Variants in SLC5A5 observed in about 807,000 individuals in gnomAD.
SLC5A5 encodes the protein sodium/iodide cotransporter.
SLC5A5 carries 56 observed loss-of-function variants against 68.6 expected under a neutral mutation model. The observed-to-expected ratio is 0.82, with a 90% CI of 0.66 to 1.02. The LOEUF is 1.02. Among genes scored for constraint, SLC5A5 ranks in the 50% least tolerant of loss-of-function variants. SLC5A5 has a pLI of 0.00. For missense variants in SLC5A5, 807 were observed against 859.8 expected (o/e 0.94, Z 0.77); for synonymous variants, 398 against 373.0 (o/e 1.07, Z -0.77).
At chr19:17,873,094 CTGTT>C (rs1244014932) in intron 1 of SLC5A5, among the ~76,000 whole-genome samples, 9 of 152,212 alleles carry the variant, frequency 5.9e-5, no homozygotes, top group Non-Finnish European at 1.2e-4. Context: ...GCGTGCCTCT[CTGTT>C]TGGGTTTCCC....
chr19:17,884,330 C>G (rs901169279), intron 12 of SLC5A5, among the ~76,000 whole-genome samples: 1 of 152,108 alleles, frequency 6.6e-6, no homozygotes, highest in Non-Finnish European at 1.5e-5. Context: ...CAGAGCCTCG[C>G]TCTGTGGTCC....
chr19:17,891,356 C>T (rs936121485), intron 14 of SLC5A5, among the ~76,000 whole-genome samples: 1 of 152,014 alleles, frequency 6.6e-6, no homozygotes, highest in African/African-American at 2.4e-5. Flanking sequence ...CAGGCGCATG[C>T]CACCGCACCC....
chr19:17,890,916 G>A lies in SLC5A5; in HGVS notation c.1682G>A (p.Gly561Glu), dbSNP rs1258025735. 5.6e-6 allele frequency: 9 copies of A among 1,614,112 alleles called. No individual in the cohort carries two copies. Among genetic ancestry groups the A allele is most frequent in the Admixed American group, 3.3e-5 (2 of 59,990 alleles). Residue 561 changes from glycine to glutamate, a missense_variant, in exon 14 of 15, where the codon GGA becomes GAA. Gly to Glu is a moderately conservative substitution (Grantham distance 98). Coordinates refer to ENST00000222248, the MANE Select transcript of SLC5A5 (RefSeq NM_000453.3). ...GPTKRSTLAPGLLWWDLARQT... is the reference protein window; with the variant it reads ...GPTKRSTLAPELLWWDLARQT... ...ACCAAGCGCAGCACCCTGGCCCCGG[G>A]ATTGTTGTGGTGGGACCTCGCACGG... is the stretch of plus-strand genomic sequence containing the variant.
At chr19:17,884,840 G>T (rs560516976) in intron 12 of SLC5A5, among the ~76,000 whole-genome samples, 1 of 151,234 alleles carries the variant, frequency 6.6e-6, no homozygotes, top group Non-Finnish European at 1.5e-5. Flanking sequence ...AGTCAAGAAC[G>T]TTTCCTCTTT....
Position 17,874,686 on chromosome 19 carries a change from G to A in SLC5A5, c.498G>A (p.Ala166=). 3.1e-6 allele frequency: 5 copies of A among 1,614,120 alleles called. No individual in the cohort carries two copies. The highest frequency in any genetic ancestry group is 3.4e-6 in the Non-Finnish European group (4 of 1,180,018). ...LNQVTGLDIW[A]SLLSTGIICT... Reference sequence around the variant, plus strand: ...TAGTGACCGGGCTGGACATCTGGGCGTCGCTCCTGTCCACCGGAATTATCT... The same window carrying A: ...TAGTGACCGGGCTGGACATCTGGGCATCGCTCCTGTCCACCGGAATTATCT... Residue 166 remains alanine, a synonymous_variant, in exon 4 of 15, where the codon GCG becomes GCA. Coordinates refer to ENST00000222248, the MANE Select transcript of SLC5A5 (RefSeq NM_000453.3).
chr19:17,893,310 C>T (rs1042807767), intron 14 of SLC5A5, among the ~76,000 whole-genome samples: 3 of 151,818 alleles, frequency 2.0e-5, no homozygotes, highest in Non-Finnish European at 2.9e-5. Context: ...GCCATATTGG[C>T]CAGGCTGGTC....
intron 13 of SLC5A5, among the ~76,000 whole-genome samples, chr19:17,890,231 T>C (rs2147754052): frequency 6.6e-6 from 1 of 152,102 alleles, no homozygotes; most frequent in Middle Eastern, 3.4e-3. Context: ...CCCCCACGCC[T>C]GGCTAATTTT....
chr19:17,882,096 G>A (rs2094321896), intron 9 of SLC5A5, 24 bp downstream of exon 9: 2 of 1,609,202 alleles, frequency 1.2e-6, no homozygotes, highest in East Asian at 4.5e-5. Flanking sequence ...AGACCTGGGT[G>A]GGAGGCCAGG....
intron 6 of SLC5A5, 28 bp from the exon 7 acceptor site, chr19:17,877,936 C>A (rs2094311484): frequency 1.2e-6 from 2 of 1,613,686 alleles, no homozygotes; most frequent in Middle Eastern, 1.6e-4. Flanking sequence ...AGGCTATCCC[C>A]TAAGCCTGAG....
chr19:17,877,898 G>C (rs1211944821), intron 6 of SLC5A5, 35 bp downstream of exon 6: 2 of 1,613,656 alleles, frequency 1.2e-6, no homozygotes, highest in East Asian at 4.5e-5. Context: ...GGGGTTTCTG[G>C]GACATGCTGC....
chr19:17,890,904 C>T lies in SLC5A5; in HGVS notation c.1670C>T (p.Thr557Ile), dbSNP rs753231130. 4 of 1,613,936 alleles carry T rather than the reference C, an allele frequency of 2.5e-6. No individual in the cohort carries two copies. Among genetic ancestry groups the T allele is most frequent in the South Asian group, 1.1e-5 (1 of 91,076 alleles). The change falls in exon 14 of 15, where the codon ACC becomes ATC. Residue 557 changes from threonine (T) to isoleucine (I), a missense_variant. Coordinates refer to ENST00000222248, the MANE Select transcript of SLC5A5 (RefSeq NM_000453.3). Reference protein sequence around the residue: ...SCLTGPTKRSTLAPGLLWWDL... With the variant: ...SCLTGPTKRSILAPGLLWWDL... Reference sequence around the variant, plus strand: ...CTCTCAGGCCCCACCAAGCGCAGCACCCTGGCCCCGGGATTGTTGTGGTGG... The same window carrying T: ...CTCTCAGGCCCCACCAAGCGCAGCATCCTGGCCCCGGGATTGTTGTGGTGG...
chr19:17,876,202 G>A (rs1034803248), intron 5 of SLC5A5, 96 bp downstream of exon 5: 26 of 1,314,492 alleles, frequency 2.0e-5, no homozygotes, highest in Non-Finnish European at 2.6e-5. Context: ...GGCCGAGGCG[G>A]GCAGATCACT....
intron 4 of SLC5A5, 95 bp from the exon 5 acceptor site, chr19:17,875,857 A>T: frequency 9.4e-7 from 1 of 1,067,510 alleles, no homozygotes. Context: ...AGAGAGGAGG[A>T]GACTGAGGCA....
chr19:17,889,403 A>G (rs750422321), intron 13 of SLC5A5, among the ~76,000 whole-genome samples: 1 of 141,672 alleles, frequency 7.1e-6, no homozygotes, highest in African/African-American at 2.8e-5. Context: ...CATCTAAAAG[A>G]AAGAAAGAAA....
At position 17,894,859 on chromosome 19, in the gene SLC5A5, T is replaced by C. The variant is rs1401124068; in HGVS notation, c.*982T>C. 6.6e-6 allele frequency: 1 copy of C among 152,158 alleles called. No individual in the cohort carries two copies. Among genetic ancestry groups the C allele is most frequent in the Non-Finnish European group, 1.5e-5 (1 of 68,054 alleles). The allele number at this position is 152,158 out of a possible 1,614,324, so 9.4% of individuals were successfully genotyped here. On this transcript the variant is annotated 3_prime_UTR_variant, in exon 15 of 15. Transcript: ENST00000222248. ...CTTGGAAATAGGGTCTTTGCAGGTG[T>C]AACTGGTTAAATTAAAAGAGGTATT...
chr19:17,884,767 C>G (rs1038151412), intron 12 of SLC5A5, among the ~76,000 whole-genome samples: 5 of 151,760 alleles, frequency 3.3e-5, no homozygotes, highest in Non-Finnish European at 5.9e-5. Context: ...AAATGAAACT[C>G]CAACTCAAAT....
intron 13 of SLC5A5, among the ~76,000 whole-genome samples, chr19:17,889,413 AGAAGGAAGGAAGGAAG>A (rs566834926): frequency 2.8e-4 from 39 of 137,608 alleles, no homozygotes; most frequent in Non-Finnish European, 4.1e-4. Flanking sequence ...AAAGAAAGAA[AGAAGGAAGGAAGGAAG>A]GAAGGAAGGA....
intron 10 of SLC5A5, among the ~76,000 whole-genome samples, chr19:17,882,430 G>A (rs1191629250): frequency 6.6e-6 from 1 of 151,938 alleles, no homozygotes; most frequent in African/African-American, 2.4e-5. Context: ...CCAGCTCCTG[G>A]GTTCAAGCCA....
At chr19:17,876,655 A>G (rs2094308044) in intron 5 of SLC5A5, among the ~76,000 whole-genome samples, 1 of 152,106 alleles carries the variant, frequency 6.6e-6, no homozygotes, top group African/African-American at 2.4e-5. Flanking sequence ...TGAGGTCAAG[A>G]GATTGAGACC....
Sources: allele counts gnomAD v4.1 joint callset (sites outside exome capture counted in the v4.1 genomes callset), GRCh38; gene constraint gnomAD v4.1.1; transcripts MANE v1.5; gene names NCBI Gene and HGNC (gene_info 2026-07-23, HGNC 2026-07-21).